The following JAKMIP2 variants were observed in gnomAD, a reference collection of about 807,000 sequenced individuals.
The protein encoded by JAKMIP2 is janus kinase and microtubule interacting protein 2.
A neutral mutation model predicts 115.0 loss-of-function variants in JAKMIP2; 25 were observed. That is an observed-to-expected ratio of 0.22 (90% CI 0.16 to 0.30). The LOEUF is 0.30. Among genes scored for constraint, JAKMIP2 ranks in the 10% least tolerant of loss-of-function variants. The pLI, the probability that JAKMIP2 is intolerant of heterozygous loss-of-function variation, is 1.00. For missense variants in JAKMIP2, 642 were observed against 957.6 expected (o/e 0.67, Z 4.35); for synonymous variants, 334 against 343.6 (o/e 0.97, Z 0.31).
In JAKMIP2 at chr5:147,720,955, C is replaced by A. The variant is rs549382601; in HGVS notation, c.-148-49001G>T. Among the ~76,000 whole-genome samples the A allele has an allele frequency of 1.5e-3, 228 of 152,036 alleles. 2 individuals carry two copies. Among genetic ancestry groups the A allele is most frequent in the African/African-American group, 5.3e-3 (219 of 41,524 alleles). On this transcript the variant is annotated intron_variant, in intron 1 of 21. Transcript: ENST00000616793. ...TTTTAGAGTTTCCAGTTTTTCTGTT[C>A]TGTTTTTTCCCCATCCTTGTGGTTT...
At chr5:147,676,165 C>G (rs973950939) in intron 1 of JAKMIP2, among the ~76,000 whole-genome samples, 7 of 152,260 alleles carry the variant, frequency 4.6e-5, no homozygotes, top group Non-Finnish European at 8.8e-5. Context: ...AACCCCGTCT[C>G]TACTATAAAA....
At chr5:147,702,475 G>C (rs1243530487) in intron 1 of JAKMIP2, among the ~76,000 whole-genome samples, 1 of 137,324 alleles carries the variant, frequency 7.3e-6, no homozygotes, top group Non-Finnish European at 1.5e-5. Flanking sequence ...GGGAGGGAGG[G>C]AAGGAAGAGA....
chr5:147,661,116 T>A lies in JAKMIP2; in HGVS notation c.459A>T (p.Leu153Phe). The change falls in exon 3 of 22, where the codon TTA becomes TTT. Residue 153 changes from leucine (L) to phenylalanine (F), a missense_variant. By Grantham distance (22) the Leu-to-Phe change is conservative. Coordinates refer to ENST00000616793, the MANE Select transcript of JAKMIP2 (RefSeq NM_001270941.2). ...CCGTTTTCAGGTCCGCAATTTCCTG[T>A]AAGAGCTTAAGGCGCTCTGTGTCAA... is the stretch of plus-strand genomic sequence containing the variant. ...KLFDTERLKL[L>F]QEIADLKTAK... 1 of 1,614,024 alleles carries A rather than the reference T, an allele frequency of 6.2e-7. No homozygotes were observed. Among genetic ancestry groups the A allele is most frequent in the Non-Finnish European group, 8.5e-7 (1 of 1,180,022 alleles).
chr5:147,586,826 C>T lies in JAKMIP2; in HGVS notation c.*4881G>A, dbSNP rs544916764. On this transcript the variant is annotated 3_prime_UTR_variant, in exon 22 of 22. Transcript: ENST00000616793. ...CAGGCCGTTATGAAACTCCTGGGCCCAAGCTATCCTGCCACCTTAGCCTTC... is the reference window on the plus strand; with the variant it reads ...CAGGCCGTTATGAAACTCCTGGGCCTAAGCTATCCTGCCACCTTAGCCTTC... The T allele has an allele frequency of 6.8e-6, 1 of 146,892 alleles. No individual in the cohort carries two copies. The highest frequency in any genetic ancestry group is 2.1e-4 in the South Asian group (1 of 4,656). The allele number at this position is 146,892 out of a possible 1,614,324, so 9.1% of individuals were successfully genotyped here.
intron 5 of JAKMIP2, among the ~76,000 whole-genome samples, chr5:147,647,402 T>C (rs1279443092): frequency 2.6e-5 from 4 of 151,974 alleles, no homozygotes; most frequent in Admixed American, 1.3e-4. Flanking sequence ...TATGAATAGC[T>C]CTATTAAAAA....
In JAKMIP2 at chr5:147,674,369, C is replaced by T. The variant is rs112941585; in HGVS notation, c.-148-2415G>A. ...TAAAAAAGGAGCTTGGGAATAGCTT[C>T]ATAGTCCCTTCATTGTTGTCTTCTT... is the stretch of plus-strand genomic sequence containing the variant. On this transcript the variant is annotated intron_variant, in intron 1 of 21. Coordinates refer to ENST00000616793, the MANE Select transcript of JAKMIP2 (RefSeq NM_001270941.2). Among the ~76,000 whole-genome samples, 7 of 152,288 alleles carry T rather than the reference C, an allele frequency of 4.6e-5. 1 individual carries two copies. Among genetic ancestry groups the T allele is most frequent in the African/African-American group, 1.4e-4 (6 of 41,568 alleles).
At chr5:147,756,198 T>C (rs189345955) in intron 1 of JAKMIP2, among the ~76,000 whole-genome samples, 1 of 152,326 alleles carries the variant, frequency 6.6e-6, no homozygotes, top group Admixed American at 6.5e-5. Flanking sequence ...AAGCACCTTA[T>C]AGATTCATGT....
At chr5:147,655,126 C>G (rs1229868608) in intron 3 of JAKMIP2, among the ~76,000 whole-genome samples, 6 of 152,092 alleles carry the variant, frequency 3.9e-5, no homozygotes, top group Non-Finnish European at 8.8e-5. Flanking sequence ...TGAGAATTTT[C>G]ACATCGATGT....
rs777881750 is a variant in JAKMIP2 at position 147,590,752 on chromosome 5, C to T, written c.*955G>A. The T allele has an allele frequency of 3.3e-5, 5 of 152,014 alleles. No individual in the cohort carries two copies. The highest frequency in any genetic ancestry group is 7.4e-5 in the Non-Finnish European group (5 of 68,004). 9.4% of individuals were successfully genotyped at this position (152,014 alleles called of 1,614,324 possible). On this transcript the variant is annotated 3_prime_UTR_variant, in exon 22 of 22. Transcript: ENST00000616793. ...GAAAGATTCAGAGATGCTCTCTGGC[C>T]CATGTTCCCTATAGATGTTGGCGTT...
intron 1 of JAKMIP2, among the ~76,000 whole-genome samples, chr5:147,726,686 C>G (rs1243098832): frequency 6.6e-6 from 1 of 152,178 alleles, no homozygotes; most frequent in Non-Finnish European, 1.5e-5. Context: ...TTAAAGCCAG[C>G]CTGGCAAGTT....
At position 147,644,768 on chromosome 5, in the gene JAKMIP2, A is replaced by G. The variant is rs964313322; in HGVS notation, c.1083+82T>C. The G allele has an allele frequency of 1.7e-5, 21 of 1,238,060 alleles. No individual in the cohort carries two copies. In the Admixed American group the frequency reaches 4.6e-4, roughly 27 times the overall value. 76.7% of individuals were successfully genotyped at this position (1,238,060 alleles called of 1,614,324 possible). A position where few individuals can be genotyped will look rare whatever the true frequency, so the allele number is the denominator to read the frequency against. ...CCAAATAGCACTGTATTTTTAAAAT[A>G]AGCTGAGAAATGGCAATAAGTCAGG... On this transcript the variant is annotated intron_variant, in intron 6 of 21. Transcript: ENST00000616793.
rs117684653 is a variant in JAKMIP2 at position 147,609,931 on chromosome 5, A to G, written c.2412+2375T>C. Among the ~76,000 whole-genome samples, 953 of 152,234 alleles carry G rather than the reference A, an allele frequency of 6.3e-3. 51 individuals are homozygous for G. In the East Asian group the frequency reaches 0.13, roughly 21 times the overall value. ...CTTGTCTTCACACTTTATTTCATTAAGTTGATCAATCTCTGTTATCCTTTC... is the reference window on the plus strand; with the variant it reads ...CTTGTCTTCACACTTTATTTCATTAGGTTGATCAATCTCTGTTATCCTTTC... On this transcript the variant is annotated intron_variant, in intron 20 of 21. Coordinates refer to ENST00000616793, the MANE Select transcript of JAKMIP2 (RefSeq NM_001270941.2).
intron 19 of JAKMIP2, among the ~76,000 whole-genome samples, chr5:147,614,461 G>A (rs560937855): frequency 6.6e-6 from 1 of 152,092 alleles, no homozygotes. Context: ...AACCTTGCTG[G>A]ATCTAAAACA....
intron 20 of JAKMIP2, among the ~76,000 whole-genome samples, chr5:147,605,020 C>T (rs1382652899): frequency 6.6e-6 from 1 of 151,594 alleles, no homozygotes; most frequent in African/African-American, 2.4e-5. Context: ...GTTCCCCAAC[C>T]TGTGCCCGTA....
At chr5:147,652,259 A>C (rs763866637) in intron 3 of JAKMIP2, among the ~76,000 whole-genome samples, 46 of 152,194 alleles carry the variant, frequency 3.0e-4, no homozygotes, top group Middle Eastern at 3.2e-3. Context: ...CGTATTTTTA[A>C]TGGAATCTTC....
At chr5:147,595,269 G>C (rs994070212) in intron 21 of JAKMIP2, among the ~76,000 whole-genome samples, 5 of 152,144 alleles carry the variant, frequency 3.3e-5, no homozygotes, top group African/African-American at 1.2e-4. Context: ...CATGCTGAAA[G>C]TTAATCCCCA....
At chr5:147,639,031 T>C (rs1757755489) in intron 10 of JAKMIP2, among the ~76,000 whole-genome samples, 1 of 152,140 alleles carries the variant, frequency 6.6e-6, no homozygotes, top group South Asian at 2.1e-4. Context: ...TGAAATAGGC[T>C]CATGAGAGGC....
chr5:147,767,291 C>T (rs1040662664), intron 1 of JAKMIP2, among the ~76,000 whole-genome samples: 57 of 152,086 alleles, frequency 3.7e-4, no homozygotes, highest in African/African-American at 1.3e-3. Context: ...AAAGAACTGA[C>T]GGAAAATGTG....
At chr5:147,596,677 A>G (rs1290751952) in intron 21 of JAKMIP2, among the ~76,000 whole-genome samples, 1 of 152,232 alleles carries the variant, frequency 6.6e-6, no homozygotes, top group African/African-American at 2.4e-5. Context: ...AGATACAAAG[A>G]TGAATAAAAC....
Sources: allele counts gnomAD v4.1 joint callset (sites outside exome capture counted in the v4.1 genomes callset), GRCh38; gene constraint gnomAD v4.1.1; transcripts MANE v1.5; gene names NCBI Gene and HGNC (gene_info 2026-07-23, HGNC 2026-07-21).